ATRNL1: variants seen among roughly 807,000 people sequenced by gnomAD.
ATRNL1 encodes the protein attractin-like protein 1.
ATRNL1 carries 95 observed loss-of-function variants against 182.7 expected under a neutral mutation model. That is an observed-to-expected ratio of 0.52 (90% CI 0.44 to 0.62). The LOEUF is 0.62. ATRNL1 is among the 20% of genes least tolerant of loss of function. ATRNL1 has a pLI of 0.00. For missense variants in ATRNL1, 1,471 were observed against 1,679.5 expected, an observed-to-expected ratio of 0.88 and a Z score of 2.17; for synonymous variants, 576 against 568.3, an observed-to-expected ratio of 1.01 and a Z score of -0.19.
At chr10:115,180,501 A>G (rs1243016473) in intron 8 of ATRNL1, among the ~76,000 whole-genome samples, 3 of 152,078 alleles carry the variant, frequency 2.0e-5, no homozygotes, top group Non-Finnish European at 4.4e-5. Context: ...TGGATTTGGT[A>G]TCTAGTAAAA....
At chr10:115,591,818 T>A (rs181930835) in intron 26 of ATRNL1, among the ~76,000 whole-genome samples, 73 of 152,316 alleles carry the variant, frequency 4.8e-4, no homozygotes, top group African/African-American at 1.7e-3. Flanking sequence ...ATCCCATTAC[T>A]GCACATGTAT....
chr10:115,279,483 T>G (rs1554916057), intron 13 of ATRNL1, among the ~76,000 whole-genome samples: 1 of 152,152 alleles, frequency 6.6e-6, no homozygotes, highest in Non-Finnish European at 1.5e-5. Context: ...AGGTGTCATC[T>G]GTTGCACACA....
intron 18 of ATRNL1, among the ~76,000 whole-genome samples, chr10:115,328,774 C>T (rs781864520): frequency 1.4e-4 from 22 of 151,918 alleles, no homozygotes; most frequent in Non-Finnish European, 3.2e-4. Flanking sequence ...TTTTTATGGA[C>T]CTTTTTCATG....
At position 115,730,166 on chromosome 10, in the gene ATRNL1, A is replaced by T. The variant is rs187223925; in HGVS notation, c.3903+2811A>T. Among the ~76,000 whole-genome samples the T allele has an allele frequency of 2.7e-3, 396 of 146,366 alleles. 5 individuals are homozygous for T. The highest frequency in any genetic ancestry group is 9.5e-3 in the African/African-American group (378 of 39,912). ...CAGTTACTCTGGAATATGAGGCAGGAGAATTGCTTGAACCCAGGAGATGGA... is the reference window on the plus strand; with the variant it reads ...CAGTTACTCTGGAATATGAGGCAGGTGAATTGCTTGAACCCAGGAGATGGA... On this transcript the variant is annotated intron_variant, in intron 27 of 28. Coordinates refer to ENST00000355044, the MANE Select transcript of ATRNL1 (RefSeq NM_207303.4).
At chr10:115,570,871 C>T (rs1854347741) in intron 26 of ATRNL1, among the ~76,000 whole-genome samples, 1 of 152,142 alleles carries the variant, frequency 6.6e-6, no homozygotes, top group African/African-American at 2.4e-5. Flanking sequence ...TCAACTGAGC[C>T]CTCAGTTAGG....
intron 7 of ATRNL1, among the ~76,000 whole-genome samples, chr10:115,170,072 G>A (rs1847228126): frequency 6.6e-6 from 1 of 152,058 alleles, no homozygotes; most frequent in Admixed American, 6.6e-5. Context: ...ATACCAGATT[G>A]CATCATCTGC....
chr10:115,927,402 T>C lies in ATRNL1; in HGVS notation c.4019-17256T>C, dbSNP rs553232243. Among the ~76,000 whole-genome samples the C allele has an allele frequency of 7.9e-5, 12 of 152,250 alleles. 1 individual carries two copies. In the South Asian group the frequency reaches 1.4e-3, roughly 18 times the overall value. ...ATGTTTGAACATTTGCTAAGAATAC[T>C]GTGATTACTGTTGCTTTCAGTAACT... is the stretch of plus-strand genomic sequence containing the variant. On this transcript the variant is annotated intron_variant, in intron 28 of 28. Transcript: ENST00000355044.
At chr10:115,404,095 C>T in intron 20 of ATRNL1, among the ~76,000 whole-genome samples, 1 of 152,116 alleles carries the variant, frequency 6.6e-6, no homozygotes, top group Non-Finnish European at 1.5e-5. Context: ...CTTCCTATGT[C>T]AGGTAAATGT....
intron 22 of ATRNL1, among the ~76,000 whole-genome samples, chr10:115,462,602 C>T (rs564482644): frequency 6.6e-6 from 1 of 152,162 alleles, no homozygotes; most frequent in South Asian, 2.1e-4. Context: ...CAGAGTGAGA[C>T]TCCATCTCAA....
At chr10:115,483,159 C>T (rs1301646791) in intron 24 of ATRNL1, among the ~76,000 whole-genome samples, 1 of 151,248 alleles carries the variant, frequency 6.6e-6, no homozygotes, top group Non-Finnish European at 1.5e-5. Flanking sequence ...TGTTGATCTC[C>T]TATGGAAAGA....
At chr10:115,898,701 G>C (rs1346745928) in intron 28 of ATRNL1, among the ~76,000 whole-genome samples, 3 of 152,152 alleles carry the variant, frequency 2.0e-5, no homozygotes, top group Non-Finnish European at 4.4e-5. Flanking sequence ...CCTGAATCCT[G>C]GAATGAGATG....
intron 10 of ATRNL1, among the ~76,000 whole-genome samples, chr10:115,246,828 G>A: frequency 1.5e-5 from 1 of 65,070 alleles, no homozygotes. Context: ...CCAAAGTGCT[G>A]GGATTACAGG....
intron 26 of ATRNL1, among the ~76,000 whole-genome samples, chr10:115,593,754 T>C (rs1378993484): frequency 6.6e-6 from 1 of 152,176 alleles, no homozygotes; most frequent in Non-Finnish European, 1.5e-5. Context: ...TGAAACAAAA[T>C]TGGTGTAGAC....
chr10:115,270,938 C>T (rs1851833133), intron 13 of ATRNL1, among the ~76,000 whole-genome samples: 2 of 152,170 alleles, frequency 1.3e-5, no homozygotes, highest in South Asian at 2.1e-4. Flanking sequence ...AAGATAATAA[C>T]AAGGTCATAA....
chr10:115,673,278 T>C (rs536779245), intron 26 of ATRNL1, among the ~76,000 whole-genome samples: 1 of 152,200 alleles, frequency 6.6e-6, no homozygotes, highest in East Asian at 1.9e-4. Context: ...CAAAAGACAT[T>C]ATTTTATTCT....
chr10:115,285,949 T>C (rs1430926000), intron 14 of ATRNL1, among the ~76,000 whole-genome samples: 1 of 152,040 alleles, frequency 6.6e-6, no homozygotes, highest in Non-Finnish European at 1.5e-5. Flanking sequence ...ATATACCAGA[T>C]GTTACACAGA....
chr10:115,245,414 G>T (rs537313465), intron 10 of ATRNL1, among the ~76,000 whole-genome samples: 5 of 147,768 alleles, frequency 3.4e-5, no homozygotes, highest in Non-Finnish European at 4.4e-5. Flanking sequence ...CAGGAGAATC[G>T]CTTGTACCCT....
intron 28 of ATRNL1, among the ~76,000 whole-genome samples, chr10:115,871,470 TG>T (rs1555106082): frequency 9.1e-3 from 25 of 2,760 alleles, no homozygotes; most frequent in Admixed American, 0.054. Context: ...TCAGATTCTT[TG>T]TGTGTGTGTA....
intron 26 of ATRNL1, among the ~76,000 whole-genome samples, chr10:115,655,404 TATTA>T (rs1327752097): frequency 2.0e-5 from 3 of 152,238 alleles, no homozygotes; most frequent in Admixed American, 6.5e-5. Flanking sequence ...TCATATTCCT[TATTA>T]ATTAAGTATT....
Sources: gnomAD v4.1 joint callset for allele counts (sites outside exome capture counted in the v4.1 genomes callset) on GRCh38, gnomAD v4.1.1 for gene constraint, MANE v1.5 for transcripts, NCBI Gene and HGNC (gene_info 2026-07-23, HGNC 2026-07-21) for gene names.